Variants in CYP2A13 observed in about 807,000 individuals in gnomAD.
CYP2A13 encodes the protein cytochrome P450 2A13.
CYP2A13 carries 30 observed loss-of-function variants against 39.4 expected under a neutral mutation model. The ratio of observed to expected loss-of-function variants is 0.76; its 90% confidence interval spans 0.57 to 1.03. CYP2A13 has a LOEUF of 1.03. Ranked by LOEUF, CYP2A13 falls within the 50% of genes least tolerant of loss-of-function variation. The probability of loss-of-function intolerance (pLI) is 0.00; values close to 1 mark genes in which losing one functional copy is unlikely to be tolerated. For synonymous variants in CYP2A13, 269 were observed against 254.7 expected, an observed-to-expected ratio of 1.06 and a Z score of -0.54; for missense variants, 731 against 648.4, an observed-to-expected ratio of 1.13 and a Z score of -1.38.
chr19:41,090,530 G>C lies in CYP2A13; in HGVS notation c.620G>C (p.Gly207Ala). Residue 207 changes from glycine to alanine, a missense_variant, in exon 4 of 9, where the codon GGA (glycine) becomes GCA (alanine). Gly to Ala is a moderately conservative substitution (Grantham distance 60). Coordinates refer to ENST00000330436, the MANE Select transcript of CYP2A13 (RefSeq NM_000766.5). ...CTGTCACTGTTGCGCATGATGCTGG[G>C]AAGCTTCCAGTTCACGGCAACCTCC... ...EFLSLLRMML[G>A]SFQFTATSTG... The C allele has an allele frequency of 6.2e-7, 1 of 1,614,130 alleles. No homozygotes were observed. The highest frequency in any genetic ancestry group is 8.5e-7 in the Non-Finnish European group (1 of 1,180,004).
In CYP2A13 at chr19:41,094,394, A is replaced by G. The variant is rs201493974; in HGVS notation, c.1123A>G (p.Asn375Asp). 7.6e-5 allele frequency: 122 copies of G among 1,613,936 alleles called. No homozygotes were observed. The highest frequency in any genetic ancestry group is 9.3e-5 in the Non-Finnish European group (110 of 1,180,002). The change falls in exon 7 of 9, where the codon AAC (asparagine) becomes GAC (aspartate). Residue 375 changes from asparagine (N) to aspartate (D), a missense_variant. Asn to Asp is a conservative substitution (Grantham distance 23). Coordinates refer to ENST00000330436, the MANE Select transcript of CYP2A13 (RefSeq NM_000766.5). ...CCCCATGGGTTTGGCCCACAGGGTC[A>G]ACAAGGACACCAAGTTTCGGGATTT... ...MLPMGLAHRV[N>D]KDTKFRDFFL...
chr19:41,090,751 G>A (rs1440743635), intron 4 of CYP2A13, among the ~76,000 whole-genome samples, 187 bp downstream of exon 4: 1 of 152,074 alleles, frequency 6.6e-6, no homozygotes, highest in Non-Finnish European at 1.5e-5. Flanking sequence ...AGTCTCCAAG[G>A]ACACCTGGAT....
intron 2 of CYP2A13, 104 bp from the exon 3 acceptor site, chr19:41,089,943 C>T (rs2031143595): frequency 1.4e-6 from 2 of 1,388,758 alleles, no homozygotes; most frequent in Admixed American, 5.8e-5. Flanking sequence ...CTCTCTCCCA[C>T]CCCACTCCCT....
rs901652347 is a variant in CYP2A13, at chr19:41,095,917, C to T, written c.1461C>T (p.Tyr487=). The change falls in exon 9 of 9, where the codon TAC becomes TAT. Residue 487 remains tyrosine (Y), a synonymous_variant. Coordinates refer to ENST00000330436, the MANE Select transcript of CYP2A13 (RefSeq NM_000766.5). ...HVGFATIPRN[Y]TMSFLPR ...GCTTTGCCACGATCCCACGAAACTACACCATGAGCTTCCTGCCCCGCTGAG... is the reference window on the plus strand; with the variant it reads ...GCTTTGCCACGATCCCACGAAACTATACCATGAGCTTCCTGCCCCGCTGAG... The T allele has an allele frequency of 8.1e-6, 13 of 1,613,782 alleles. No homozygotes were observed. Among genetic ancestry groups the T allele is most frequent in the Admixed American group, 1.7e-5 (1 of 59,982 alleles).
intron 5 of CYP2A13, among the ~76,000 whole-genome samples, chr19:41,093,343 A>G (rs1249605874): frequency 2.6e-5 from 4 of 152,080 alleles, no homozygotes; most frequent in Non-Finnish European, 4.4e-5. Flanking sequence ...AGCCTGTGCA[A>G]CTTAGCAAGA....
chr19:41,093,742 T>G lies in CYP2A13; in HGVS notation c.944T>G (p.Leu315Arg), dbSNP rs1227681655. The G allele has an allele frequency of 1.2e-6, 2 of 1,614,044 alleles. No individual in the cohort carries two copies. The highest frequency in any genetic ancestry group is 3.3e-5 in the Admixed American group (2 of 60,000). Residue 315 changes from leucine to arginine, a missense_variant, in exon 6 of 9, where the codon CTG becomes CGG. Coordinates refer to ENST00000330436, the MANE Select transcript of CYP2A13 (RefSeq NM_000766.5). ...TVSTTLRYGFLLLMKHPEVEA... is the reference protein window; with the variant it reads ...TVSTTLRYGFRLLMKHPEVEA... ...AGCACCACCCTGCGCTACGGTTTCC[T>G]GCTGCTCATGAAGCACCCAGAGGTG...
intron 5 of CYP2A13, 64 bp downstream of exon 5, chr19:41,091,972 G>C (rs904701458): frequency 3.3e-5 from 52 of 1,594,422 alleles, no homozygotes; most frequent in Non-Finnish European, 4.4e-5. Flanking sequence ...GGATGGGAGT[G>C]GGGTGGGCAG....
rs368075493 is a variant in CYP2A13, at chr19:41,088,560, G to A, written c.89G>A (p.Arg30Lys). 8.1e-6 allele frequency: 13 copies of A among 1,613,914 alleles called. No homozygotes were observed. The highest frequency in any genetic ancestry group is 1.7e-5 in the Admixed American group (1 of 60,000). Residue 30 changes from arginine to lysine, a missense_variant, in exon 1 of 9, where the codon AGG becomes AAG. Arg to Lys is a conservative substitution (Grantham distance 26). Transcript: ENST00000330436. ...LMSVWRQRKS[R>K]GKLPPGPTPL... The stretch of plus-strand genomic sequence containing the variant: ...TCAGTCTGGCGGCAGAGGAAGAGCA[G>A]GGGGAAGCTGCCTCCGGGACCCACC...
Position 41,096,096 on chromosome 19 carries a change from A to G in CYP2A13, c.*155A>G, listed in dbSNP as rs1323198606. ...GGAACAGAAGAAACAGAAGGGGCTC[A>G]GTTCACCTTGATGATGTCCTTCAGA... On this transcript the variant is annotated 3_prime_UTR_variant, in exon 9 of 9. Transcript: ENST00000330436. The G allele has an allele frequency of 4.4e-6, 5 of 1,127,156 alleles. No individual in the cohort carries two copies. Among genetic ancestry groups the G allele is most frequent in the Admixed American group, 2.5e-5 (1 of 40,120 alleles). 69.8% of individuals were successfully genotyped at this position (1,127,156 alleles called of 1,614,324 possible). A position where few individuals can be genotyped will look rare whatever the true frequency, so the allele number is the denominator to read the frequency against.
At position 41,088,618 on chromosome 19, in the gene CYP2A13, G is replaced by A. The variant is rs971360325; in HGVS notation, c.147G>A (p.Leu49=). ...PLPFIGNYLQ[L]NTEQMYNSLM... ...CCTTCATTGGAAACTACCTGCAGCT[G>A]AACACAGAGCAGATGTACAACTCCC... Residue 49 remains leucine, a synonymous_variant, in exon 1 of 9, where the codon CTG becomes CTA. Coordinates refer to ENST00000330436, the MANE Select transcript of CYP2A13 (RefSeq NM_000766.5). 1.2e-5 allele frequency: 19 copies of A among 1,613,880 alleles called. No homozygotes were observed. The highest frequency in any genetic ancestry group is 1.6e-5 in the Non-Finnish European group (19 of 1,179,922).
intron 5 of CYP2A13, among the ~76,000 whole-genome samples, chr19:41,092,312 TAAAAAAAAAAAAA>T (rs529985444): frequency 1.9e-5 from 1 of 53,794 alleles, no homozygotes; most frequent in South Asian, 8.1e-4. Context: ...CAAGACCCTG[TAAAAAAAAAAAAA>T]AAAAAAAAAA....
intron 1 of CYP2A13, 47 bp downstream of exon 1, chr19:41,088,698 G>T: frequency 6.3e-7 from 1 of 1,586,534 alleles, no homozygotes; most frequent in South Asian, 1.2e-5. Flanking sequence ...GGGCTGCCCA[G>T]TTGGCTGGGG....
chr19:41,092,676 GCT>G, intron 5 of CYP2A13, among the ~76,000 whole-genome samples: 1 of 152,316 alleles, frequency 6.6e-6, no homozygotes, highest in South Asian at 2.1e-4. Flanking sequence ...TAGCCACCAT[GCT>G]CTCTAACCGT....
Position 41,090,450 on chromosome 19 carries a change from T to C in CYP2A13, c.540T>C (p.Asn180=). 6.2e-7 allele frequency: 1 copy of C among 1,614,150 alleles called. No individual in the cohort carries two copies. Among genetic ancestry groups the C allele is most frequent in the East Asian group, 2.2e-5 (1 of 44,882 alleles). Residue 180 remains asparagine, a synonymous_variant, in exon 4 of 9, where the codon AAT becomes AAC. Coordinates refer to ENST00000330436, the MANE Select transcript of CYP2A13 (RefSeq NM_000766.5). ...PTFFLSRTVS[N]VISSIVFGDR... ...TCTTCCTGAGCCGCACAGTCTCCAA[T>C]GTCATCAGCTCCATTGTCTTTGGGG...
chr19:41,089,731 A>T (rs1415950520), intron 2 of CYP2A13, among the ~76,000 whole-genome samples: 1 of 138,752 alleles, frequency 7.2e-6, no homozygotes, highest in Non-Finnish European at 1.5e-5. Context: ...GTATCCCCGT[A>T]TCCCTCTGTT....
rs377101946 is a variant in CYP2A13, at chr19:41,088,662, G to T, written c.180+11G>T. 16 of 1,609,494 alleles carry T rather than the reference G, an allele frequency of 9.9e-6. No individual in the cohort carries two copies. In the African/African-American group the frequency reaches 2.0e-4, roughly 20 times the overall value. On this transcript the variant is annotated intron_variant, in intron 1 of 8. Transcript: ENST00000330436. The stretch of plus-strand genomic sequence containing the variant: ...AACTCCCTCATGAAGGTGTCCTAAG[G>T]CAGGGAGATGGGTGGCACGGGGTGG...
chr19:41,090,271 G>T (rs1219974717), intron 3 of CYP2A13, 75 bp downstream of exon 3: 1 of 1,557,682 alleles, frequency 6.4e-7, no homozygotes, highest in East Asian at 2.3e-5. Context: ...GTGGGGAAAG[G>T]GGCCCGCACT....
chr19:41,092,027 A>G, intron 5 of CYP2A13, 119 bp downstream of exon 5: 1 of 1,458,274 alleles, frequency 6.9e-7, no homozygotes, highest in Non-Finnish European at 9.2e-7. Flanking sequence ...AATAATCCTT[A>G]CAATTGGCCA....
At chr19:41,093,868 T>G (rs1487727854) in intron 6 of CYP2A13, 97 bp downstream of exon 6, 5 of 1,422,012 alleles carry the variant, frequency 3.5e-6, no homozygotes, top group Non-Finnish European at 3.8e-6. Flanking sequence ...CCCAGGACCC[T>G]GAGACGTGCC....
Sources: gnomAD v4.1 joint callset for allele counts (sites outside exome capture counted in the v4.1 genomes callset) on GRCh38, gnomAD v4.1.1 for gene constraint, MANE v1.5 for transcripts, NCBI Gene and HGNC (gene_info 2026-07-23, HGNC 2026-07-21) for gene names.